The following TEX36 variants were observed in gnomAD, a reference collection of about 807,000 sequenced individuals.
TEX36 encodes testis expressed 36, also known as testis-expressed protein 36.
TEX36 carries 12 observed loss-of-function variants against 13.6 expected under a neutral mutation model. The ratio of observed to expected loss-of-function variants is 0.88; its 90% CI spans 0.56 to 1.43. TEX36 has a LOEUF of 1.43. Among genes scored for constraint, TEX36 ranks in the 40% most tolerant of loss-of-function variants. TEX36 has a pLI of 0.00. For missense variants in TEX36, 224 were observed against 228.3 expected (o/e 0.98, Z 0.12); for synonymous variants, 93 against 83.0 (o/e 1.12, Z -0.65).
At chr10:125,596,568 C>T (rs1846083822) in intron 3 of TEX36, among the ~76,000 whole-genome samples, 1 of 152,150 alleles carries the variant, frequency 6.6e-6, no homozygotes, top group Non-Finnish European at 1.5e-5. Flanking sequence ...TTTTGACCTA[C>T]AGAACTATAA....
chr10:125,614,205 C>T (rs900792858), intron 3 of TEX36, among the ~76,000 whole-genome samples: 12 of 152,064 alleles, frequency 7.9e-5, no homozygotes, highest in African/African-American at 1.4e-4. Flanking sequence ...GAGTAGGTTG[C>T]GAAAATTTTC....
downstream of TEX36, among the ~76,000 whole-genome samples, chr10:125,652,023 C>T (rs190116673): frequency 1.6e-4 from 25 of 152,314 alleles, no homozygotes; most frequent in East Asian, 4.4e-3. Flanking sequence ...ACATTCCATG[C>T]TCATGGATAG....
At chr10:125,598,901 C>T (rs1449221573) in intron 3 of TEX36, among the ~76,000 whole-genome samples, 1 of 152,140 alleles carries the variant, frequency 6.6e-6, no homozygotes, top group African/African-American at 2.4e-5. Flanking sequence ...TATAATTGGT[C>T]CTGCTGGTTA....
chr10:125,644,027 C>T (rs1393699071), intron 3 of TEX36, among the ~76,000 whole-genome samples: 1 of 152,110 alleles, frequency 6.6e-6, no homozygotes. Context: ...CACAACAATA[C>T]CCAAGGAAGC....
downstream of TEX36, among the ~76,000 whole-genome samples, chr10:125,652,742 C>T (rs1196127038): frequency 6.6e-6 from 1 of 152,116 alleles, no homozygotes; most frequent in Non-Finnish European, 1.5e-5. Context: ...ACCCATCTGA[C>T]AAAGGGCTAA....
chr10:125,677,207 G>A, intron 1 of TEX36, among the ~76,000 whole-genome samples: 1 of 152,070 alleles, frequency 6.6e-6, no homozygotes, highest in East Asian at 1.9e-4. Flanking sequence ...TATCTGCCTG[G>A]GGACTGTTGA....
At chr10:125,582,265 C>T (rs1181378532) in intron 3 of TEX36, among the ~76,000 whole-genome samples, 1 of 152,210 alleles carries the variant, frequency 6.6e-6, no homozygotes, top group South Asian at 2.1e-4. Flanking sequence ...TCAGTGATGT[C>T]TAGCTGTAAA....
At chr10:125,582,827 T>C (rs1298217700) in intron 3 of TEX36, among the ~76,000 whole-genome samples, 1 of 152,198 alleles carries the variant, frequency 6.6e-6, no homozygotes, top group African/African-American at 2.4e-5. Context: ...ATTTTAATAA[T>C]GTCAATATAT....
chr10:125,607,039 A>C (rs906255467), intron 3 of TEX36, among the ~76,000 whole-genome samples: 2 of 152,208 alleles, frequency 1.3e-5, no homozygotes, highest in Non-Finnish European at 2.9e-5. Flanking sequence ...CTTCATTCAC[A>C]TGCAAATGCT....
chr10:125,676,366 C>A (rs1215086427), intron 1 of TEX36, among the ~76,000 whole-genome samples: 2 of 152,016 alleles, frequency 1.3e-5, no homozygotes, highest in African/African-American at 4.8e-5. Flanking sequence ...TATATAATGA[C>A]CTTCTTTGTA....
chr10:125,583,121 G>A (rs772381757), intron 3 of TEX36, among the ~76,000 whole-genome samples: 12 of 152,152 alleles, frequency 7.9e-5, no homozygotes, highest in Non-Finnish European at 1.2e-4. Context: ...CTAATCACTA[G>A]CACAAATCTG....
chr10:125,616,923 T>C (rs1289511802), downstream of TEX36, among the ~76,000 whole-genome samples: 9 of 152,016 alleles, frequency 5.9e-5, no homozygotes, highest in Admixed American at 5.2e-4. Context: ...GGAGTCTAAG[T>C]CTCTTTGTAG....
At chr10:125,677,157 T>C (rs2133613392) in intron 1 of TEX36, among the ~76,000 whole-genome samples, 1 of 152,356 alleles carries the variant, frequency 6.6e-6, no homozygotes, top group South Asian at 2.1e-4. Flanking sequence ...CTTTAGATAG[T>C]CTGACTATAA....
At chr10:125,635,065 C>T (rs1846606458) in intron 3 of TEX36, among the ~76,000 whole-genome samples, 1 of 152,150 alleles carries the variant, frequency 6.6e-6, no homozygotes, top group Non-Finnish European at 1.5e-5. Flanking sequence ...CATTGCCAAC[C>T]TAAAATTCCT....
At chr10:125,630,764 C>T (rs928510864) in intron 3 of TEX36, among the ~76,000 whole-genome samples, 5 of 152,136 alleles carry the variant, frequency 3.3e-5, no homozygotes, top group Non-Finnish European at 7.3e-5. Context: ...GGAGGGTTGA[C>T]GTCCCCTCCC....
intron 1 of TEX36, among the ~76,000 whole-genome samples, chr10:125,678,221 G>C (rs992400547): frequency 6.6e-6 from 1 of 152,204 alleles, no homozygotes; most frequent in East Asian, 1.9e-4. Context: ...CAGTTGGATA[G>C]AGTACTTTGG....
intron 3 of TEX36, among the ~76,000 whole-genome samples, chr10:125,636,444 G>A (rs1846625189): frequency 6.7e-6 from 1 of 148,800 alleles, no homozygotes; most frequent in Non-Finnish European, 1.5e-5. Flanking sequence ...TCGATCTCCT[G>A]ACCTCGTGAT....
intron 3 of TEX36, among the ~76,000 whole-genome samples, chr10:125,594,918 T>C (rs921956558): frequency 1.3e-5 from 2 of 152,128 alleles, no homozygotes; most frequent in African/African-American, 4.8e-5. Flanking sequence ...TAAACTTAAA[T>C]AGACAAACAT....
At chr10:125,626,566 C>A (rs1589761098) in intron 3 of TEX36, among the ~76,000 whole-genome samples, 2 of 152,332 alleles carry the variant, frequency 1.3e-5, no homozygotes, top group South Asian at 2.1e-4. Context: ...ACCTTTCCTT[C>A]CCCTGGAGAG....
Sources: gnomAD v4.1 joint callset for allele counts (sites outside exome capture counted in the v4.1 genomes callset) on GRCh38, gnomAD v4.1.1 for gene constraint, MANE v1.5 for transcripts, NCBI Gene and HGNC (gene_info 2026-07-23, HGNC 2026-07-21) for gene names.